Variants in PGR observed in about 807,000 individuals in gnomAD.
PGR encodes progesterone receptor, also known as nuclear receptor subfamily 3 group C member 3.
In PGR, 25 loss-of-function variants were observed where a neutral mutation model predicts 76.1. The observed-to-expected ratio is 0.33, with a 90% confidence interval of 0.24 to 0.46. PGR has a LOEUF of 0.46. Among genes scored for constraint, PGR ranks in the 20% least tolerant of loss-of-function variants. PGR has a pLI of 1.00. For synonymous variants in PGR, 579 were observed against 535.0 expected (o/e 1.08, Z -1.14); for missense variants, 1,172 against 1,225.3 (o/e 0.96, Z 0.65).
rs768769081 is a variant in PGR, at chr11:101,062,672, G to C, written c.1987C>G (p.Pro663Ala). 1.2e-6 allele frequency: 2 copies of C among 1,613,762 alleles called. No individual in the cohort carries two copies. Among genetic ancestry groups the C allele is most frequent in the Admixed American group, 3.3e-5 (2 of 59,970 alleles). The change falls in exon 4 of 8, where the codon CCA becomes GCA. Residue 663 changes from proline (P) to alanine (A), a missense_variant. Physicochemically the swap from Pro to Ala is conservative, Grantham distance 27. Around this residue, in one of 4 missense-constraint regions of PGR, gnomAD observed 73 missense variants for 60.7 expected, o/e 1.20. Coordinates refer to ENST00000325455, the MANE Select transcript of PGR (RefSeq NM_000926.4). ...AVALPQPVGV[P>A]NESQALSQRF... ...TGGCTTAGGGCTTGGCTTTCATTTG[G>C]AACGCCCACTGGCTGTGGGAGAGCA... is the stretch of plus-strand genomic sequence containing the variant.
chr11:101,033,676 G>T lies in PGR; in HGVS notation c.*5440C>A, dbSNP rs150956052. Reference sequence around the variant, plus strand: ...ACAGTTTGGTGGATAGATACTTCAAGGTATAGACTTTTCTGGGGGAGGAGA... The same window carrying T: ...ACAGTTTGGTGGATAGATACTTCAATGTATAGACTTTTCTGGGGGAGGAGA... On this transcript the variant is annotated 3_prime_UTR_variant, in exon 8 of 8. Coordinates refer to ENST00000325455, the MANE Select transcript of PGR (RefSeq NM_000926.4). 122 of 202,178 alleles carry T rather than the reference G, an allele frequency of 6.0e-4. No individual in the cohort carries two copies. The highest frequency in any genetic ancestry group is 5.0e-3 in the Middle Eastern group (3 of 598). 12.5% of individuals were successfully genotyped at this position (202,178 alleles called of 1,614,324 possible).
intron 6 of PGR, among the ~76,000 whole-genome samples, chr11:101,045,140 A>C (rs1264696061): frequency 2.6e-5 from 4 of 152,220 alleles, no homozygotes; most frequent in Non-Finnish European, 5.9e-5. Flanking sequence ...CCAGAGATAC[A>C]AACTTATGAA....
chr11:101,087,061 T>A (rs1861523701), intron 3 of PGR, among the ~76,000 whole-genome samples: 1 of 152,198 alleles, frequency 6.6e-6, no homozygotes, highest in Non-Finnish European at 1.5e-5. Flanking sequence ...CCAACGACAT[T>A]TTTTCCAGAA....
chr11:101,065,676 G>A (rs1223630189), intron 3 of PGR, among the ~76,000 whole-genome samples: 1 of 152,158 alleles, frequency 6.6e-6, no homozygotes, highest in Non-Finnish European at 1.5e-5. Flanking sequence ...GGCATGTGGG[G>A]TCAGTGGTCC....
chr11:101,052,435 C>G (rs635984), intron 4 of PGR, among the ~76,000 whole-genome samples: 65,356 of 151,776 alleles, frequency 0.43, 15,793 homozygotes, highest in East Asian at 0.77. Context: ...TTAATCATCA[C>G]AAGTCTCTCC....
At chr11:101,111,251 T>C (rs561620497) in intron 2 of PGR, among the ~76,000 whole-genome samples, 4 of 152,300 alleles carry the variant, frequency 2.6e-5, no homozygotes, top group Admixed American at 6.5e-5. Flanking sequence ...TCACATTTTT[T>C]AGAATTCTTC....
chr11:101,110,325 T>C (rs532473361), intron 2 of PGR, among the ~76,000 whole-genome samples: 4 of 152,300 alleles, frequency 2.6e-5, no homozygotes, highest in Non-Finnish European at 5.9e-5. Context: ...TTAAGAACAT[T>C]TGTGGTTAAT....
At chr11:101,082,041 C>A (rs1861328089) in intron 3 of PGR, among the ~76,000 whole-genome samples, 1 of 152,116 alleles carries the variant, frequency 6.6e-6, no homozygotes, top group African/African-American at 2.4e-5. Flanking sequence ...ATCATGGGGG[C>A]ACATTTCCCC....
intron 6 of PGR, among the ~76,000 whole-genome samples, chr11:101,042,697 C>T (rs1162236251): frequency 3.3e-5 from 5 of 152,078 alleles, no homozygotes; most frequent in Admixed American, 1.3e-4. Context: ...GTTACACAGG[C>T]ATATCTTGGA....
At chr11:101,116,867 C>T (rs1017472808) in intron 2 of PGR, among the ~76,000 whole-genome samples, 5 of 151,342 alleles carry the variant, frequency 3.3e-5, no homozygotes, top group African/African-American at 1.2e-4. Flanking sequence ...CAAATGGGTA[C>T]AATTTTTTAC....
chr11:101,100,255 G>A (rs1487511992), intron 2 of PGR, among the ~76,000 whole-genome samples: 1 of 152,070 alleles, frequency 6.6e-6, no homozygotes, highest in East Asian at 1.9e-4. Context: ...GAGATCTGAT[G>A]GTTTTATAAG....
At chr11:101,058,325 C>T (rs1021708065) in intron 4 of PGR, among the ~76,000 whole-genome samples, 1 of 152,114 alleles carries the variant, frequency 6.6e-6, no homozygotes, top group African/African-American at 2.4e-5. Context: ...TCTCAGTATG[C>T]TACTCTCATT....
intron 2 of PGR, among the ~76,000 whole-genome samples, chr11:101,107,879 AAG>A (rs1241492767): frequency 6.9e-6 from 1 of 145,910 alleles, no homozygotes; most frequent in Non-Finnish European, 1.5e-5. Flanking sequence ...AAAAAAAAAA[AAG>A]AAAGAAAAAG....
Position 101,128,605 on chromosome 11 carries a change from CG to C in PGR, c.465del (p.Ala156ProfsTer10). Reference protein sequence around the residue: ...PELPEDPPAAPATQRVLSPLM... With the variant: ...PELPEDPPAAXATQRVLSPLM... ...AGCGGGGACAACACCCGCTGGGTGG[CG>C]GGGGCAGCCGGTGGATCTTCGGGAA... On this transcript the variant is annotated frameshift_variant, in exon 1 of 8. Transcript: ENST00000325455. LOFTEE classifies it high-confidence loss of function. 1.9e-6 allele frequency: 3 copies of C among 1,589,080 alleles called. No individual in the cohort carries two copies. Among genetic ancestry groups the C allele is most frequent in the Non-Finnish European group, 1.7e-6 (2 of 1,170,308 alleles).
At chr11:101,074,021 C>T (rs1211989528) in intron 3 of PGR, among the ~76,000 whole-genome samples, 2 of 151,910 alleles carry the variant, frequency 1.3e-5, no homozygotes, top group African/African-American at 4.8e-5. Context: ...AGAGAAACAA[C>T]AAAAAAGAAA....
Position 101,091,813 on chromosome 11 carries a change from T to C in PGR, c.1853A>G (p.Asn618Ser). The C allele has an allele frequency of 6.2e-7, 1 of 1,612,822 alleles. No individual in the cohort carries two copies. The highest frequency in any genetic ancestry group is 8.5e-7 in the Non-Finnish European group (1 of 1,178,874). Residue 618 changes from asparagine to serine, a missense_variant, in exon 3 of 8, where the codon AAC (asparagine) becomes AGC (serine). By Grantham distance (46) the Asn-to-Ser change is conservative. This residue lies in a region of PGR where 40 missense variants were observed against 82.7 expected (regional missense o/e 0.48). Coordinates refer to ENST00000325455, the MANE Select transcript of PGR (RefSeq NM_000926.4). ...DCIVDKIRRK[N>S]CPACRLRKCC... is the part of the protein sequence containing the mutation. ...CTTTCTAAGGCGACATGCTGGGCAGTTTTTTCTGCGGATTTTATCAACGAT... is the reference window on the plus strand; with the variant it reads ...CTTTCTAAGGCGACATGCTGGGCAGCTTTTTCTGCGGATTTTATCAACGAT...
chr11:101,080,333 G>GA (rs1861262116), intron 3 of PGR, among the ~76,000 whole-genome samples: 1 of 151,950 alleles, frequency 6.6e-6, no homozygotes, highest in South Asian at 2.1e-4. Flanking sequence ...CCTGCTGAAA[G>GA]AAGCACATAG....
At chr11:101,098,645 A>G (rs1390135490) in intron 2 of PGR, among the ~76,000 whole-genome samples, 1 of 152,236 alleles carries the variant, frequency 6.6e-6, no homozygotes, top group Admixed American at 6.5e-5. Context: ...AACAAACTTA[A>G]CTGGACTCTG....
intron 2 of PGR, among the ~76,000 whole-genome samples, chr11:101,103,638 A>C (rs552330167): frequency 1.3e-5 from 2 of 152,292 alleles, no homozygotes; most frequent in South Asian, 4.1e-4. Flanking sequence ...AATTTTTGCC[A>C]ATCTCAGCAT....
Sources: gnomAD v4.1 joint callset for allele counts (sites outside exome capture counted in the v4.1 genomes callset) on GRCh38, gnomAD v4.1.1 for gene constraint, gnomAD v4.1.1 regional missense constraint, MANE v1.5 for transcripts, NCBI Gene and HGNC (gene_info 2026-07-23, HGNC 2026-07-21) for gene names.